The following ITGA4 variants were observed in gnomAD, a reference collection of about 807,000 sequenced individuals.
ITGA4 encodes the protein integrin subunit alpha 4, also known as integrin alpha-4.
ITGA4 carries 63 observed loss-of-function variants against 133.6 expected under a neutral mutation model. The observed-to-expected ratio is 0.47, with a 90% CI of 0.38 to 0.58. The LOEUF is 0.58. Ranked by LOEUF, ITGA4 falls within the 20% of genes least tolerant of loss-of-function variation. ITGA4 has a pLI of 0.00. For missense variants in ITGA4, 1,076 were observed against 1,252.7 expected (o/e 0.86, Z 2.13); for synonymous variants, 483 against 438.0 (o/e 1.10, Z -1.28).
Position 181,495,874 on chromosome 2 carries a change from T to A in ITGA4, c.1477T>A (p.Ser493Thr), listed in dbSNP as rs1218675338. The A allele has an allele frequency of 6.2e-7, 1 of 1,614,076 alleles. No individual in the cohort carries two copies. The highest frequency in any genetic ancestry group is 1.7e-5 in the Admixed American group (1 of 60,026). ...TGACTGTGTTGAAAATGGATGGCCT[T>A]CTGTGTGCATAGATCTAACACTTTG... Reference protein sequence around the residue: ...KFDCVENGWPSVCIDLTLCFS... With the variant: ...KFDCVENGWPTVCIDLTLCFS... The change falls in exon 14 of 28, where the codon TCT (serine) becomes ACT (threonine). Residue 493 changes from serine (S) to threonine (T), a missense_variant. By Grantham distance (58) the Ser-to-Thr change is moderately conservative (BLOSUM62 1). Coordinates refer to ENST00000397033, the MANE Select transcript of ITGA4 (RefSeq NM_000885.6). The surrounding 1 kb of genome is among the most constrained non-coding windows in gnomAD (Gnocchi z 4.3).
chr2:181,521,816 T>G (rs1382181608), intron 17 of ITGA4, among the ~76,000 whole-genome samples: 1 of 152,200 alleles, frequency 6.6e-6, no homozygotes, highest in Non-Finnish European at 1.5e-5. Context: ...TAGTTCAATG[T>G]CTATTTTAGG....
At chr2:181,475,899 A>T (rs1377064362) in intron 4 of ITGA4, 1 of 1,555,862 alleles carries the variant, frequency 6.4e-7, no homozygotes, top group South Asian at 1.3e-5. Flanking sequence ...ATGTCAGAGG[A>T]TATCTGCAGC....
At chr2:181,524,309 G>A in intron 20 of ITGA4, 59 bp downstream of exon 20, 3 of 913,018 alleles carry the variant, frequency 3.3e-6, no homozygotes, top group Admixed American at 5.3e-5. Flanking sequence ...TGAGGGGGGG[G>A]AATTAGGAGA....
chr2:181,530,855 G>C (rs914644859), intron 24 of ITGA4, among the ~76,000 whole-genome samples: 2 of 152,150 alleles, frequency 1.3e-5, no homozygotes, highest in African/African-American at 4.8e-5. Context: ...TTGGCCGGGT[G>C]TGATGGCTCA....
At chr2:181,526,325 ACTGCCTAAATCTATG>A (rs1686829504) in intron 21 of ITGA4, among the ~76,000 whole-genome samples, 1 of 152,136 alleles carries the variant, frequency 6.6e-6, no homozygotes, top group African/African-American at 2.4e-5. Context: ...CACCTGTTAA[ACTGCCTAAATCTATG>A]CTGGTTACTT....
rs191210064 is a variant in ITGA4 at position 181,530,519 on chromosome 2, C to T, written c.2539-5C>T. 2.4e-5 allele frequency: 39 copies of T among 1,609,172 alleles called. No individual in the cohort carries two copies. The East Asian group carries it at 8.5e-4, about 35-fold the overall frequency. ...TAAGATTTCTCTTGCTTTCTGTCTT[C>T]ATAGACTACTACTGGAGAATGCCAC... is the stretch of plus-strand genomic sequence containing the variant. On this transcript the variant is annotated splice_region_variant and splice_polypyrimidine_tract_variant and intron_variant, in intron 23 of 27. Transcript: ENST00000397033.
At chr2:181,494,004 C>T (rs1238020983) in intron 11 of ITGA4, among the ~76,000 whole-genome samples, 2 of 152,128 alleles carry the variant, frequency 1.3e-5, no homozygotes, top group Non-Finnish European at 2.9e-5. Context: ...TTAGCTGGCA[C>T]AGTTATTTTT....
In ITGA4 at chr2:181,494,795, A is replaced by G; in HGVS notation, c.1322A>G (p.Asp441Gly). 1 of 1,557,584 alleles carries G rather than the reference A, an allele frequency of 6.4e-7. No homozygotes were observed. Among genetic ancestry groups the G allele is most frequent in the South Asian group, 1.1e-5 (1 of 89,928 alleles). ...TCTATATCAGGACAAATTGATGCAG[A>G]TAATAATGGCTATGTAGGTGAGTAA... ...GQSISGQIDA[D>G]NNGYVDVAVG... The change falls in exon 12 of 28, where the codon GAT (aspartate) becomes GGT (glycine). Residue 441 changes from aspartate (D) to glycine (G), a missense_variant. Transcript: ENST00000397033.
At chr2:181,529,810 G>A (rs957649222) in intron 23 of ITGA4, among the ~76,000 whole-genome samples, 162 bp downstream of exon 23, 2 of 152,122 alleles carry the variant, frequency 1.3e-5, no homozygotes, top group African/African-American at 4.8e-5. Flanking sequence ...ATTGAGTTAT[G>A]CTTTGAATAT....
At position 181,495,977 on chromosome 2, in the gene ITGA4, GTTCA is replaced by G; in HGVS notation, c.1540+47_1540+50del. 1 of 1,592,142 alleles carries G rather than the reference GTTCA, an allele frequency of 6.3e-7. No individual in the cohort carries two copies. The highest frequency in any genetic ancestry group is 8.6e-7 in the Non-Finnish European group (1 of 1,165,118). The stretch of plus-strand genomic sequence containing the variant: ...CAATATTAATGCTTGATGGGGTGCG[GTTCA>G]TTCATTAATCCCACAATCCTGCTTG... On this transcript the variant is annotated intron_variant, in intron 14 of 27. Transcript: ENST00000397033. This position sits in a 1 kb window ranked among gnomAD's most constrained non-coding sequence, Gnocchi z 4.3.
chr2:181,518,647 C>G (rs984706705), intron 17 of ITGA4, among the ~76,000 whole-genome samples: 5 of 151,852 alleles, frequency 3.3e-5, no homozygotes, highest in African/African-American at 1.2e-4. Context: ...GATCTCTGTC[C>G]CAACTACTCA....
At chr2:181,509,456 TTG>T (rs779065659) in intron 15 of ITGA4, among the ~76,000 whole-genome samples, 200 bp from the exon 16 acceptor site, 133 of 152,248 alleles carry the variant, frequency 8.7e-4, no homozygotes, top group Non-Finnish European at 3.1e-4. Flanking sequence ...TTTATTTTTT[TTG>T]TGTTTTTCAT....
intron 15 of ITGA4, among the ~76,000 whole-genome samples, chr2:181,509,334 T>C (rs1238097904): frequency 3.3e-5 from 5 of 151,894 alleles, no homozygotes; most frequent in Non-Finnish European, 5.9e-5. Context: ...TCATGAAAAA[T>C]GCTTATGTTA....
intron 12 of ITGA4, 82 bp downstream of exon 12, chr2:181,494,894 G>A: frequency 1.4e-6 from 1 of 732,750 alleles, no homozygotes; most frequent in East Asian, 2.5e-5. Context: ...ACGTAAAACT[G>A]GTATGAAAGA....
In ITGA4 at chr2:181,523,191, C is replaced by CAT. The variant is rs770966025; in HGVS notation, c.2074-238_2074-237dup. The CAT allele has an allele frequency of 2.0e-4, 59 of 297,114 alleles. No homozygotes were observed. Among genetic ancestry groups the CAT allele is most frequent in the Middle Eastern group, 2.2e-3 (2 of 914 alleles). 18.4% of individuals were successfully genotyped at this position (297,114 alleles called of 1,614,324 possible). Reference sequence around the variant, plus strand: ...ATATACACACACACATACACATACACATATATATACACACACATATATACA... The same window carrying CAT: ...ATATACACACACACATACACATACACATATATATATACACACACATATATACA... On this transcript the variant is annotated intron_variant, in intron 18 of 27. Transcript: ENST00000397033. This position sits in a 1 kb window ranked among gnomAD's most constrained non-coding sequence, Gnocchi z 4.2.
intron 10 of ITGA4, chr2:181,486,209 C>G (rs1052927925): frequency 2.1e-6 from 1 of 469,114 alleles, no homozygotes; most frequent in Non-Finnish European, 3.5e-6. Flanking sequence ...TTCAAAATAC[C>G]TTATTTCAGT....
At position 181,458,180 on chromosome 2, in the gene ITGA4, A is replaced by G; in HGVS notation, c.198-16A>G. On this transcript the variant is annotated splice_polypyrimidine_tract_variant and intron_variant, in intron 1 of 27. Transcript: ENST00000397033. ...ACAGCTCACGTCTGAGCGCACGTGC[A>G]CGTGTCTCGCTTTAGGCTCCTAGTG... 6.2e-7 allele frequency: 1 copy of G among 1,614,032 alleles called. No individual in the cohort carries two copies. The highest frequency in any genetic ancestry group is 8.5e-7 in the Non-Finnish European group (1 of 1,180,004).
intron 15 of ITGA4, among the ~76,000 whole-genome samples, chr2:181,501,499 T>C (rs1015026783): frequency 6.6e-6 from 1 of 152,158 alleles, no homozygotes; most frequent in Non-Finnish European, 1.5e-5. Flanking sequence ...CTAGCTGCTG[T>C]GTTGTGAATA....
rs143807085 is a variant in ITGA4 at position 181,509,795 on chromosome 2, A to C, written c.1833A>C (p.Ile611=). 5.8e-4 allele frequency: 930 copies of C among 1,605,408 alleles called. 6 individuals carry two copies. In the African/African-American group the frequency reaches 0.012, roughly 20 times the overall value. The change falls in exon 16 of 28, where the codon ATA becomes ATC. Residue 611 remains isoleucine, a synonymous_variant. Transcript: ENST00000397033. The part of the protein sequence containing the change: ...PILQQKKEKD[I]MKKTINFARF... ...TTCAGCAGAAGAAAGAAAAAGACAT[A>C]ATGAAAAAAACAGTAGGAATATTTT...
Sources: gnomAD v4.1 joint callset for allele counts (sites outside exome capture counted in the v4.1 genomes callset) on GRCh38, gnomAD v4.1.1 for gene constraint, Gnocchi (gnomAD v3.1) non-coding constraint, MANE v1.5 for transcripts, NCBI Gene and HGNC (gene_info 2026-07-23, HGNC 2026-07-21) for gene names.